The following ADARB2 variants were observed in gnomAD, a reference collection of about 807,000 sequenced individuals.
The protein encoded by ADARB2 is inactive double-stranded RNA-specific editase B2.
A neutral mutation model predicts 62.2 loss-of-function variants in ADARB2; 25 were observed. The ratio of observed to expected loss-of-function variants is 0.40; its 90% CI spans 0.29 to 0.56. ADARB2 has a LOEUF of 0.56. Ranked by LOEUF, ADARB2 falls within the 20% of genes least tolerant of loss-of-function variation. ADARB2 has a pLI of 0.43. For missense variants in ADARB2, 1,071 were observed against 1,077.4 expected, an observed-to-expected ratio of 0.99 and a Z score of 0.08; for synonymous variants, 572 against 500.8, an observed-to-expected ratio of 1.14 and a Z score of -1.90.
chr10:1,611,516 G>C (rs994793631), intron 1 of ADARB2, among the ~76,000 whole-genome samples: 1 of 152,020 alleles, frequency 6.6e-6, no homozygotes, highest in Non-Finnish European at 1.5e-5. Flanking sequence ...CAAATGCTGG[G>C]GAGGTGGGGG....
At chr10:1,323,289 C>T (rs747359216) in intron 3 of ADARB2, among the ~76,000 whole-genome samples, 59 of 145,058 alleles carry the variant, frequency 4.1e-4, no homozygotes, top group African/African-American at 1.3e-3. Context: ...ATATGTATGA[C>T]GAAAATTACA....
chr10:1,242,724 G>A lies in ADARB2; in HGVS notation c.1193-425C>T, dbSNP rs191148908. 5.9e-4 allele frequency among the ~76,000 whole-genome samples: 90 copies of A among 152,280 alleles called. No homozygotes were observed. In the Middle Eastern group the frequency reaches 0.02, roughly 35 times the overall value. ...TGTGCTTTCTCCTGTCCTCCAACGG[G>A]ATCAGGGCAGGACAGGAGCTGATGA... On this transcript the variant is annotated intron_variant, in intron 4 of 9. Coordinates refer to ENST00000381312, the MANE Select transcript of ADARB2 (RefSeq NM_018702.4).
rs146622323 is a variant in ADARB2 at position 1,683,036 on chromosome 10, C to T, written c.100+54015G>A. On this transcript the variant is annotated intron_variant, in intron 1 of 9. Coordinates refer to ENST00000381312, the MANE Select transcript of ADARB2 (RefSeq NM_018702.4). ...TTGTCATTCATCACAGCTTCATTTGCGTGGAAGCAGAGATGACTATGCTGC... is the reference window on the plus strand; with the variant it reads ...TTGTCATTCATCACAGCTTCATTTGTGTGGAAGCAGAGATGACTATGCTGC... Among the ~76,000 whole-genome samples the T allele has an allele frequency of 5.8e-3, 889 of 152,296 alleles. 9 individuals are homozygous for T. Among genetic ancestry groups the T allele is most frequent in the African/African-American group, 0.02 (838 of 41,574 alleles).
intron 3 of ADARB2, among the ~76,000 whole-genome samples, chr10:1,321,575 GGGTCTCATTATGTTGCCCAGGCT>G (rs1163589202): frequency 6.6e-6 from 1 of 151,954 alleles, no homozygotes; most frequent in East Asian, 1.9e-4. Flanking sequence ...GTAGAGATGG[GGGTCTCATTATGTTGCCCAGGCT>G]GGTCTCAAAT....
At chr10:1,214,457 C>G (rs1384437158) in intron 7 of ADARB2, among the ~76,000 whole-genome samples, 1 of 135,752 alleles carries the variant, frequency 7.4e-6, no homozygotes, top group East Asian at 2.0e-4. Context: ...CTGTACCCAG[C>G]GTTGCGTGGG....
At chr10:1,476,208 GGA>G (rs998799143) in intron 1 of ADARB2, among the ~76,000 whole-genome samples, 4 of 152,154 alleles carry the variant, frequency 2.6e-5, no homozygotes, top group Non-Finnish European at 5.9e-5. Context: ...AGAGAGAAAG[GGA>G]GAGATGAGGG....
intron 1 of ADARB2, among the ~76,000 whole-genome samples, chr10:1,463,951 G>C (rs937341261): frequency 6.6e-6 from 1 of 152,230 alleles, no homozygotes; most frequent in African/African-American, 2.4e-5. Flanking sequence ...TCAGTCATTA[G>C]GAAAGCGCAA....
chr10:1,506,738 G>A (rs921574189), intron 1 of ADARB2, among the ~76,000 whole-genome samples: 16 of 152,210 alleles, frequency 1.1e-4, no homozygotes, highest in African/African-American at 3.9e-4. Context: ...TGGACTGGCT[G>A]TGGGGTCCCC....
At chr10:1,241,896 G>A (rs1326683284) in intron 5 of ADARB2, among the ~76,000 whole-genome samples, 1 of 152,240 alleles carries the variant, frequency 6.6e-6, no homozygotes, top group Admixed American at 6.5e-5. Context: ...GTTTTCTGGA[G>A]GGAAACGTGG....
intron 7 of ADARB2, among the ~76,000 whole-genome samples, chr10:1,215,175 C>A (rs1049222521): frequency 6.6e-6 from 1 of 152,246 alleles, no homozygotes; most frequent in African/African-American, 2.4e-5. Context: ...CAGGGCCCAG[C>A]ACTCGGGCTT....
intron 5 of ADARB2, among the ~76,000 whole-genome samples, chr10:1,234,214 C>T (rs988464208): frequency 3.3e-5 from 5 of 151,890 alleles, no homozygotes; most frequent in African/African-American, 7.3e-5. Context: ...GTCTTGAACT[C>T]CCAGCCTCAG....
rs1483207125 is a variant in ADARB2, at chr10:1,181,817, A to G, written c.*1376T>C. 1 of 152,214 alleles carries G rather than the reference A, an allele frequency of 6.6e-6. No homozygotes were observed. Among genetic ancestry groups the G allele is most frequent in the Non-Finnish European group, 1.5e-5 (1 of 68,036 alleles). The allele number at this position is 152,214 out of a possible 1,614,324, so 9.4% of individuals were successfully genotyped here. ...AGAAATGAGAGACTGGCTATCTAGC[A>G]TGATGAATGTTAGAAATGAGTTCTC... On this transcript the variant is annotated 3_prime_UTR_variant, in exon 10 of 10. Coordinates refer to ENST00000381312, the MANE Select transcript of ADARB2 (RefSeq NM_018702.4).
chr10:1,346,665 G>A (rs1456387544), intron 3 of ADARB2, among the ~76,000 whole-genome samples: 3 of 152,238 alleles, frequency 2.0e-5, no homozygotes, highest in African/African-American at 7.2e-5. Flanking sequence ...CAAGAGCAAG[G>A]CCATCAGAGG....
At chr10:1,409,692 CAGT>C (rs1265830136) in intron 1 of ADARB2, among the ~76,000 whole-genome samples, 2 of 110,996 alleles carry the variant, frequency 1.8e-5, no homozygotes, top group African/African-American at 6.1e-5. Flanking sequence ...GAAGGATTCT[CAGT>C]GGTGCTGAGG....
At chr10:1,472,657 C>T (rs182251905) in intron 1 of ADARB2, among the ~76,000 whole-genome samples, 15 of 152,352 alleles carry the variant, frequency 9.8e-5, no homozygotes, top group African/African-American at 2.9e-4. Context: ...AAAAGGAAAT[C>T]GGTCCGGCAC....
intron 1 of ADARB2, among the ~76,000 whole-genome samples, chr10:1,663,831 T>C (rs1338594775): frequency 1.3e-5 from 2 of 152,202 alleles, no homozygotes; most frequent in Non-Finnish European, 2.9e-5. Context: ...TTGACCAGGC[T>C]GGTCTGGAAC....
intron 1 of ADARB2, among the ~76,000 whole-genome samples, chr10:1,715,498 T>C (rs1254506702): frequency 6.6e-6 from 1 of 152,180 alleles, no homozygotes; most frequent in East Asian, 1.9e-4. Context: ...AGATGAAAAT[T>C]GACCCCCAAA....
At chr10:1,210,407 C>T (rs1205177582) in intron 7 of ADARB2, among the ~76,000 whole-genome samples, 1 of 152,298 alleles carries the variant, frequency 6.6e-6, no homozygotes, top group Admixed American at 6.5e-5. Context: ...CACGGGTTCC[C>T]GGCCTCGTGT....
At chr10:1,419,595 A>G (rs1832835895) in intron 1 of ADARB2, among the ~76,000 whole-genome samples, 1 of 152,330 alleles carries the variant, frequency 6.6e-6, no homozygotes, top group South Asian at 2.1e-4. Context: ...GTAAGCCCAG[A>G]TGGTTGGTGC....
Sources: gnomAD v4.1 joint callset for allele counts (sites outside exome capture counted in the v4.1 genomes callset) on GRCh38, gnomAD v4.1.1 for gene constraint, MANE v1.5 for transcripts, NCBI Gene and HGNC (gene_info 2026-07-23, HGNC 2026-07-21) for gene names.